Variants in THRB observed in about 807,000 individuals in gnomAD.
The protein encoded by THRB is nuclear receptor subfamily 1 group A member 2.
In THRB, 12 loss-of-function variants were observed where a neutral mutation model predicts 47.8. That is an observed-to-expected ratio of 0.25 (90% CI 0.16 to 0.41). The LOEUF (loss-of-function observed/expected upper bound fraction) is 0.41. Ranked by LOEUF, THRB falls within the 10% of genes least tolerant of loss-of-function variation. The pLI, the probability that THRB is intolerant of heterozygous loss-of-function variation, is 1.00. For synonymous variants in THRB, 218 were observed against 212.2 expected (o/e 1.03, Z -0.24); for missense variants, 348 against 589.2 (o/e 0.59, Z 4.24).
chr3:24,249,747 A>AT (rs11388208), intron 3 of THRB, among the ~76,000 whole-genome samples: 37,652 of 152,124 alleles, frequency 0.25, 7,249 homozygotes, highest in African/African-American at 0.53. Flanking sequence ...AGTCTGCTCT[A>AT]TAAGGAGTGG....
intron 1 of THRB, among the ~76,000 whole-genome samples, chr3:24,462,150 A>G (rs2073757192): frequency 6.8e-6 from 1 of 147,250 alleles, no homozygotes; most frequent in Non-Finnish European, 1.5e-5. Flanking sequence ...AAAAAGCATT[A>G]GAACATAATG....
At chr3:24,353,826 T>C (rs1464166329) in intron 1 of THRB, among the ~76,000 whole-genome samples, 1 of 152,164 alleles carries the variant, frequency 6.6e-6, no homozygotes, top group African/African-American at 2.4e-5. Flanking sequence ...AAAGCACATA[T>C]GCATAGCAAA....
At chr3:24,485,382 C>T (rs116698194) in intron 1 of THRB, among the ~76,000 whole-genome samples, 2,462 of 152,236 alleles carry the variant, frequency 0.016, 61 homozygotes, top group African/African-American at 0.056. Context: ...TGCCACATCT[C>T]GGAGAAAGTG....
At chr3:24,143,198 T>G (rs1449586489) in intron 8 of THRB, among the ~76,000 whole-genome samples, 2 of 152,138 alleles carry the variant, frequency 1.3e-5, no homozygotes, top group Admixed American at 1.3e-4. Context: ...GACAAAACAT[T>G]TTACTAATTA....
chr3:24,283,828 C>T (rs1426264826), intron 3 of THRB, among the ~76,000 whole-genome samples: 3 of 151,944 alleles, frequency 2.0e-5, no homozygotes, highest in Admixed American at 2.0e-4. Context: ...CTCCCATTCA[C>T]AATTGCTACA....
At chr3:24,407,697 T>C (rs1221555080) in intron 1 of THRB, among the ~76,000 whole-genome samples, 1 of 151,904 alleles carries the variant, frequency 6.6e-6, no homozygotes, top group Non-Finnish European at 1.5e-5. Context: ...TTTCATTCTA[T>C]GAACTGATGT....
intron 1 of THRB, among the ~76,000 whole-genome samples, chr3:24,363,844 T>C (rs1291867799): frequency 6.6e-6 from 1 of 152,178 alleles, no homozygotes; most frequent in African/African-American, 2.4e-5. Context: ...TAAAATTCTA[T>C]GCTTGGAACA....
intron 6 of THRB, among the ~76,000 whole-genome samples, chr3:24,151,408 G>A (rs2149091614): frequency 6.6e-6 from 1 of 152,208 alleles, no homozygotes; most frequent in Admixed American, 6.5e-5. Flanking sequence ...GAGGTAAGGT[G>A]GATGAGAGAG....
chr3:24,276,913 T>C (rs1240753992), intron 3 of THRB, among the ~76,000 whole-genome samples: 3 of 152,376 alleles, frequency 2.0e-5, no homozygotes, highest in Non-Finnish European at 2.9e-5. Context: ...TTGTCTTTTA[T>C]ATGATTAAAT....
intron 9 of THRB, among the ~76,000 whole-genome samples, chr3:24,128,889 T>TTA (rs2033373342): frequency 2.7e-5 from 4 of 146,298 alleles, no homozygotes; most frequent in South Asian, 2.2e-4. Context: ...TTTTTTTTTT[T>TTA]ACCATGGATA....
Position 24,248,850 on chromosome 3 carries a change from T to C in THRB, c.-42-19849A>G, listed in dbSNP as rs528895696. The stretch of plus-strand genomic sequence containing the variant: ...GGTCCTACTAATTTCATCTCCTCTT[T>C]TTGTTTCCCAACTCTGAGGGTGACA... On this transcript the variant is annotated intron_variant, in intron 3 of 10. Transcript: ENST00000646209. 2.0e-5 allele frequency among the ~76,000 whole-genome samples: 3 copies of C among 152,292 alleles called. No individual in the cohort carries two copies. The South Asian group carries it at 6.2e-4, about 32-fold the overall frequency.
intron 3 of THRB, among the ~76,000 whole-genome samples, chr3:24,269,322 C>T (rs1469725447): frequency 2.4e-5 from 3 of 125,684 alleles, no homozygotes; most frequent in African/African-American, 6.0e-5. Flanking sequence ...CACACACACA[C>T]GTTATCTTTG....
intron 2 of THRB, among the ~76,000 whole-genome samples, chr3:24,306,740 A>G (rs1174694897): frequency 1.3e-5 from 2 of 152,178 alleles, no homozygotes; most frequent in African/African-American, 4.8e-5. Context: ...TTGGCACATT[A>G]CTGTACCTTG....
intron 1 of THRB, among the ~76,000 whole-genome samples, chr3:24,436,321 T>C (rs1475837484): frequency 6.6e-6 from 1 of 151,950 alleles, no homozygotes; most frequent in Non-Finnish European, 1.5e-5. Context: ...AAGAACTACA[T>C]ACACCACTCT....
intron 1 of THRB, among the ~76,000 whole-genome samples, chr3:24,481,632 T>C (rs1330931948): frequency 6.6e-6 from 1 of 152,108 alleles, no homozygotes. Flanking sequence ...TAATACTACC[T>C]GTGGACAAAG....
At chr3:24,242,202 T>C (rs1249909855) in intron 3 of THRB, among the ~76,000 whole-genome samples, 2 of 152,220 alleles carry the variant, frequency 1.3e-5, no homozygotes, top group African/African-American at 2.4e-5. Context: ...GTTTTTTACA[T>C]TCTTTTCAGC....
At chr3:24,488,115 CAAGT>C (rs1354296405) in intron 1 of THRB, among the ~76,000 whole-genome samples, 2 of 152,204 alleles carry the variant, frequency 1.3e-5, no homozygotes, top group East Asian at 1.9e-4. Context: ...CTCCAGGAGT[CAAGT>C]AAGTATATTC....
intron 1 of THRB, among the ~76,000 whole-genome samples, chr3:24,379,761 C>T (rs972704599): frequency 3.9e-5 from 6 of 152,112 alleles, no homozygotes; most frequent in Admixed American, 6.6e-5. Context: ...CTTAGATCCT[C>T]ACTACTACAA....
intron 1 of THRB, among the ~76,000 whole-genome samples, chr3:24,398,400 A>T (rs1486554250): frequency 6.6e-6 from 1 of 152,202 alleles, no homozygotes; most frequent in Non-Finnish European, 1.5e-5. Flanking sequence ...AAACAACCCC[A>T]TCAACAAGTG....
Sources: gnomAD v4.1 joint callset for allele counts (sites outside exome capture counted in the v4.1 genomes callset) on GRCh38, gnomAD v4.1.1 for gene constraint, MANE v1.5 for transcripts, NCBI Gene and HGNC (gene_info 2026-07-23, HGNC 2026-07-21) for gene names.